Variants in GNB1L observed in about 807,000 individuals in gnomAD.
The protein encoded by GNB1L is G protein subunit beta 1 like, also known as guanine nucleotide-binding protein subunit beta-like protein 1.
A neutral mutation model predicts 29.1 loss-of-function variants in GNB1L; 20 were observed. The observed-to-expected ratio is 0.69, with a 90% confidence interval of 0.48 to 1.00. The LOEUF (loss-of-function observed/expected upper bound fraction) is 1.00. Ranked by LOEUF, GNB1L falls within the 50% of genes least tolerant of loss-of-function variation. The probability of loss-of-function intolerance (pLI) is 0.00; values close to 1 mark genes in which losing one functional copy is unlikely to be tolerated. For synonymous variants in GNB1L, 193 were observed against 206.5 expected (o/e 0.93, Z 0.56); for missense variants, 421 against 464.9 (o/e 0.91, Z 0.87).
In GNB1L at chr22:19,821,363, A is replaced by C. The variant is rs755689921; in HGVS notation, c.-8T>G. ...CGGGCAGGGGGCCGTCATGCTGGGC[A>C]GGATGCAGTTACCTGGGCACCAAGG... On this transcript the variant is annotated 5_prime_UTR_variant, in exon 3 of 8. Transcript: ENST00000329517. 26 of 1,611,604 alleles carry C rather than the reference A, an allele frequency of 1.6e-5. No individual in the cohort carries two copies. In the East Asian group the frequency reaches 5.6e-4, roughly 35 times the overall value.
In GNB1L at chr22:19,783,356, G is replaced by A. The variant is rs991529572; in HGVS notation, c.*5353C>T. 1.9e-5 allele frequency: 7 copies of A among 365,960 alleles called. No individual in the cohort carries two copies. The highest frequency in any genetic ancestry group is 9.3e-4 in the Middle Eastern group (1 of 1,072). 22.7% of individuals were successfully genotyped at this position (365,960 alleles called of 1,614,324 possible). A position where few individuals can be genotyped will look rare whatever the true frequency, so the allele number is the denominator to read the frequency against. ...AGGAGGTCAAGTGTGCATGCAAGAG[G>A]TGGCAGGGGACAGATGTGCTGCTGT... On this transcript the variant is annotated 3_prime_UTR_variant, in exon 8 of 8. Coordinates refer to ENST00000329517, the MANE Select transcript of GNB1L (RefSeq NM_053004.3).
At chr22:19,814,219 G>A (rs567006914) in intron 4 of GNB1L, among the ~76,000 whole-genome samples, 1 of 152,280 alleles carries the variant, frequency 6.6e-6, no homozygotes, top group Middle Eastern at 3.4e-3. Context: ...CCATGGCTGG[G>A]AGGGATGAGG....
rs562318546 is a variant in GNB1L, at chr22:19,837,776, T to C, written c.-20-16401A>G. 1.9e-4 allele frequency among the ~76,000 whole-genome samples: 29 copies of C among 152,362 alleles called. 1 individual carries two copies. The South Asian group carries it at 5.2e-3, about 27-fold the overall frequency. Reference sequence around the variant, plus strand: ...TATCCACACCTGGATATATCCATCCTTGACAATGACAAAGTAGGAAGTACT... The same window carrying C: ...TATCCACACCTGGATATATCCATCCCTGACAATGACAAAGTAGGAAGTACT... On this transcript the variant is annotated intron_variant, in intron 2 of 7. Coordinates refer to ENST00000329517, the MANE Select transcript of GNB1L (RefSeq NM_053004.3).
At chr22:19,851,648 A>G (rs1344565289) in intron 2 of GNB1L, 1 of 1,594,312 alleles carries the variant, frequency 6.3e-7, no homozygotes, top group East Asian at 2.2e-5. Flanking sequence ...CTGAGGGGCC[A>G]CTGGCAGCTG....
chr22:19,791,849 A>G (rs913591971), intron 7 of GNB1L, among the ~76,000 whole-genome samples: 1 of 152,196 alleles, frequency 6.6e-6, no homozygotes, highest in Admixed American at 6.5e-5. Flanking sequence ...CCTACCCTAG[A>G]TCTACCAGAA....
intron 7 of GNB1L, among the ~76,000 whole-genome samples, chr22:19,800,337 C>T (rs1187756459): frequency 2.6e-5 from 4 of 152,140 alleles, no homozygotes; most frequent in Admixed American, 6.5e-5. Context: ...AAGAGCCCTC[C>T]GGGGGCTCTC....
chr22:19,808,608 A>G (rs1356395136), intron 5 of GNB1L, among the ~76,000 whole-genome samples: 1 of 152,236 alleles, frequency 6.6e-6, no homozygotes, highest in Non-Finnish European at 1.5e-5. Flanking sequence ...ATTGATGTCC[A>G]AAAACCAAGA....
chr22:19,851,256 CCTCT>C (rs1215709362), intron 2 of GNB1L: 2 of 1,608,698 alleles, frequency 1.2e-6, no homozygotes, highest in South Asian at 1.1e-5. Flanking sequence ...TCCTGGTCTC[CCTCT>C]GTCTCCAAAA....
At chr22:19,797,570 C>T (rs1937320977) in intron 7 of GNB1L, among the ~76,000 whole-genome samples, 1 of 152,184 alleles carries the variant, frequency 6.6e-6, no homozygotes. Flanking sequence ...AGGAGCCTCG[C>T]CTGGCGAGGA....
intron 2 of GNB1L, chr22:19,851,005 G>A: frequency 1.4e-6 from 2 of 1,419,574 alleles, no homozygotes; most frequent in African/African-American, 1.4e-5. Flanking sequence ...TGGGGGAGCT[G>A]GTTCTGCTCA....
chr22:19,792,375 G>C (rs1937260907), intron 7 of GNB1L: 1 of 1,403,422 alleles, frequency 7.1e-7, no homozygotes. Context: ...TAAGAAAGTG[G>C]TGAATCCCCT....
At chr22:19,791,018 C>T (rs1937247321) in intron 7 of GNB1L, among the ~76,000 whole-genome samples, 1 of 151,828 alleles carries the variant, frequency 6.6e-6, no homozygotes, top group African/African-American at 2.4e-5. Flanking sequence ...ACTGCCTGAG[C>T]CCAGGAGTTC....
In GNB1L at chr22:19,846,502, C is replaced by T. The variant is rs191433210; in HGVS notation, c.-21+7941G>A. The T allele has an allele frequency of 6.2e-4, 610 of 985,480 alleles. 3 individuals are homozygous for T. In the African/African-American group the frequency reaches 0.01, roughly 17 times the overall value. 61.0% of individuals were successfully genotyped at this position (985,480 alleles called of 1,614,324 possible). On this transcript the variant is annotated intron_variant, in intron 2 of 7. Coordinates refer to ENST00000329517, the MANE Select transcript of GNB1L (RefSeq NM_053004.3). Reference sequence around the variant, plus strand: ...TCTGCACACAGGCATGTGGAGACCACAGAAGCCTGCCCAATATAGCGCTGC... The same window carrying T: ...TCTGCACACAGGCATGTGGAGACCATAGAAGCCTGCCCAATATAGCGCTGC...
At chr22:19,807,363 G>A (rs940566655) in intron 5 of GNB1L, among the ~76,000 whole-genome samples, 1 of 152,144 alleles carries the variant, frequency 6.6e-6, no homozygotes, top group South Asian at 2.1e-4. Context: ...AGCCAGGTCA[G>A]GGGATGGCCG....
At chr22:19,854,192 T>G (rs933660473) in intron 2 of GNB1L, among the ~76,000 whole-genome samples, 2 of 152,204 alleles carry the variant, frequency 1.3e-5, no homozygotes, top group African/African-American at 4.8e-5. Flanking sequence ...TCGGCCCTTC[T>G]AGACTGGACA....
intron 2 of GNB1L, chr22:19,849,998 T>C (rs764776069): frequency 1.1e-5 from 11 of 985,542 alleles, no homozygotes; most frequent in Non-Finnish European, 1.3e-5. Context: ...CTCACAGCTC[T>C]GGACTGCTGC....
At chr22:19,850,944 G>A (rs886495198) in intron 2 of GNB1L, 15 of 1,374,842 alleles carry the variant, frequency 1.1e-5, no homozygotes, top group Non-Finnish European at 1.3e-5. Flanking sequence ...ATGCAGCAGA[G>A]AGCCAGCAGC....
At chr22:19,846,753 A>G in intron 2 of GNB1L, 1 of 366,756 alleles carries the variant, frequency 2.7e-6, no homozygotes, top group Non-Finnish European at 3.8e-6. Context: ...AGACAGGGAC[A>G]CGGCAAGAAG....
At chr22:19,814,866 C>G (rs1186970044) in intron 4 of GNB1L, among the ~76,000 whole-genome samples, 2 of 152,046 alleles carry the variant, frequency 1.3e-5, no homozygotes, top group African/African-American at 4.8e-5. Flanking sequence ...GACTCCATCT[C>G]TACAAAAAAT....
Sources: allele counts gnomAD v4.1 joint callset (sites outside exome capture counted in the v4.1 genomes callset), GRCh38; gene constraint gnomAD v4.1.1; transcripts MANE v1.5; gene names NCBI Gene and HGNC (gene_info 2026-07-23, HGNC 2026-07-21).